RASEF: variants seen among roughly 807,000 people sequenced by gnomAD.
RASEF encodes the protein RAS and EF-hand domain containing.
RASEF carries 68 observed loss-of-function variants against 90.1 expected under a neutral mutation model. That is an observed-to-expected ratio of 0.75 (90% CI 0.62 to 0.92). RASEF has a LOEUF of 0.92. Ranked by LOEUF, RASEF falls within the 40% of genes least tolerant of loss-of-function variation. The pLI is 0.00. For missense variants in RASEF, 949 were observed against 937.2 expected (o/e 1.01, Z -0.16); for synonymous variants, 331 against 345.2 (o/e 0.96, Z 0.46).
At chr9:83,087,422 T>TCTCTCTCTCTCTCTCTCC in the RASEF span, among the ~76,000 whole-genome samples, 1 of 151,142 alleles carries the variant, frequency 6.6e-6, no homozygotes, top group Non-Finnish European at 1.5e-5. Flanking sequence ...TCTCTCTCTC[T>TCTCTCTCTCTCTCTCTCC]CTCTCTCTCT....
intron 9 of RASEF, among the ~76,000 whole-genome samples, chr9:83,001,746 T>C (rs1829044305): frequency 6.6e-6 from 1 of 152,226 alleles, no homozygotes; most frequent in South Asian, 2.1e-4. Context: ...CTGGGTGTCA[T>C]ATTTCTAATC....
intron 14 of RASEF, among the ~76,000 whole-genome samples, chr9:82,994,505 C>T (rs1355128562): frequency 6.6e-6 from 1 of 152,142 alleles, no homozygotes; most frequent in Non-Finnish European, 1.5e-5. Context: ...CACCTTCTAC[C>T]ATATCATTTC....
In RASEF at chr9:82,988,549, G is replaced by A. The variant is rs897887974; in HGVS notation, c.2117+1842C>T. Among the ~76,000 whole-genome samples the A allele has an allele frequency of 7.9e-5, 12 of 152,196 alleles. No individual in the cohort carries two copies. The East Asian group carries it at 2.1e-3, about 27-fold the overall frequency. Reference sequence around the variant, plus strand: ...CCTTCGGTGTTAGAGGTGGGGCCTCGTGGGAGGTATTGAATCAAGCGGGTG... The same window carrying A: ...CCTTCGGTGTTAGAGGTGGGGCCTCATGGGAGGTATTGAATCAAGCGGGTG... On this transcript the variant is annotated intron_variant, in intron 16 of 16. Coordinates refer to ENST00000376447, the MANE Select transcript of RASEF (RefSeq NM_152573.4).
chr9:83,091,994 CTTTTA>C, the RASEF span, among the ~76,000 whole-genome samples: 1 of 21,090 alleles, frequency 4.7e-5, no homozygotes, highest in Non-Finnish European at 1.1e-4. Flanking sequence ...TATTCTTTTT[CTTTTA>C]TTTCTTTTTT....
Position 83,025,888 on chromosome 9 carries a change from G to T in RASEF, c.465C>A (p.Ile155=). Residue 155 remains isoleucine, a synonymous_variant, in exon 2 of 17, where the codon ATC becomes ATA. Transcript: ENST00000376447. ...GAATTAATCTTGGCTCCACAAGGTT[G>T]ATGTTTTGGTACAAGGTACTAACTT... is the stretch of plus-strand genomic sequence containing the variant. ...EEQVSTLYQN[I]NLVEPRLIQP... 1 of 1,613,364 alleles carries T rather than the reference G, an allele frequency of 6.2e-7. No individual in the cohort carries two copies.
the RASEF span, among the ~76,000 whole-genome samples, chr9:83,092,353 C>G: frequency 5.5e-4 from 84 of 152,200 alleles, no homozygotes; most frequent in African/African-American, 2.0e-3. Context: ...TGTTACAGCT[C>G]TTAAGGTGGC....
the RASEF span, among the ~76,000 whole-genome samples, chr9:83,197,444 G>T: frequency 1.3e-5 from 2 of 152,194 alleles, no homozygotes; most frequent in Non-Finnish European, 2.9e-5. Context: ...TGGGGATACA[G>T]CAGTGAACAC....
rs936514982 is a variant in RASEF at position 83,005,576 on chromosome 9, T to C, written c.1029-76A>G. On this transcript the variant is annotated intron_variant, in intron 7 of 16. Coordinates refer to ENST00000376447, the MANE Select transcript of RASEF (RefSeq NM_152573.4). The stretch of plus-strand genomic sequence containing the variant: ...GGGTCACTGTCATCACTTTCTTTTC[T>C]AGCTGTAACATTCAGAATGTGGAAT... 4.6e-6 allele frequency: 5 copies of C among 1,076,996 alleles called. No individual in the cohort carries two copies. The Admixed American group carries it at 6.9e-5, about 15-fold the overall frequency. The allele number at this position is 1,076,996 out of a possible 1,614,324, so 66.7% of individuals were successfully genotyped here. A position where few individuals can be genotyped will look rare whatever the true frequency, so the allele number is the denominator to read the frequency against.
chr9:82,984,786 T>C (rs765748783), intron 16 of RASEF, among the ~76,000 whole-genome samples: 6 of 152,212 alleles, frequency 3.9e-5, no homozygotes, highest in Non-Finnish European at 5.9e-5. Flanking sequence ...AAAATCTTGG[T>C]CGTTCTGTCA....
chr9:83,110,232 A>G, the RASEF span, among the ~76,000 whole-genome samples: 23 of 152,182 alleles, frequency 1.5e-4, no homozygotes, highest in African/African-American at 5.1e-4. Flanking sequence ...ACTCAAAAGA[A>G]TATGAGGCAG....
At chr9:83,089,718 C>G in the RASEF span, among the ~76,000 whole-genome samples, 33 of 152,228 alleles carry the variant, frequency 2.2e-4, no homozygotes, top group African/African-American at 7.9e-4. Context: ...CTTTGAGTAT[C>G]AAGAGTTGAT....
chr9:83,032,462 C>G (rs943437390), intron 1 of RASEF, among the ~76,000 whole-genome samples: 2 of 152,198 alleles, frequency 1.3e-5, no homozygotes, highest in Non-Finnish European at 1.5e-5. Flanking sequence ...AAGTCATAAG[C>G]ATTAGTCAGT....
At chr9:83,201,081 G>A in the RASEF span, 4 of 152,204 alleles carry the variant, frequency 2.6e-5, no homozygotes, top group Admixed American at 2.6e-4. Flanking sequence ...TTCCTAGAAA[G>A]GCCATCCACC....
intron 4 of RASEF, 128 bp from the exon 5 acceptor site, chr9:83,012,639 C>T (rs4146961): frequency 0.53 from 236,371 of 444,484 alleles, 64,584 homozygotes; most frequent in East Asian, 0.78. Flanking sequence ...TATGCAACTT[C>T]ATAAATCATT....
chr9:83,105,865 T>C, the RASEF span, among the ~76,000 whole-genome samples: 1 of 152,186 alleles, frequency 6.6e-6, no homozygotes, highest in Non-Finnish European at 1.5e-5. Context: ...ATGTGCCGGC[T>C]GCAGGACTGC....
the RASEF span, among the ~76,000 whole-genome samples, chr9:83,150,136 A>G: frequency 6.6e-6 from 1 of 152,310 alleles, no homozygotes; most frequent in East Asian, 1.9e-4. Flanking sequence ...CAGCTTTATT[A>G]TAAAGGACAT....
In RASEF at chr9:82,980,262, A is replaced by G. The variant is rs1049262446; in HGVS notation, c.*2415T>C. The G allele has an allele frequency of 6.6e-6, 1 of 152,212 alleles. No homozygotes were observed. The highest frequency in any genetic ancestry group is 2.4e-5 in the African/African-American group (1 of 41,464). The allele number at this position is 152,212 out of a possible 1,614,324, so 9.4% of individuals were successfully genotyped here. ...ACATTAAATATTTTTGTTCTTACTG[A>G]AAATGTGCTTTAAATTTGAGAACAC... On this transcript the variant is annotated 3_prime_UTR_variant, in exon 17 of 17. Transcript: ENST00000376447.
intron 1 of RASEF, among the ~76,000 whole-genome samples, chr9:83,056,267 T>C (rs1437548564): frequency 6.6e-6 from 1 of 152,234 alleles, no homozygotes; most frequent in Non-Finnish European, 1.5e-5. Context: ...CTATGTGTCA[T>C]AGATAAATTC....
the RASEF span, among the ~76,000 whole-genome samples, chr9:83,150,521 T>C: frequency 6.6e-6 from 1 of 152,168 alleles, no homozygotes; most frequent in East Asian, 1.9e-4. Context: ...TATTTCTTAT[T>C]ATACCACAAG....
Sources: gnomAD v4.1 joint callset for allele counts (sites outside exome capture counted in the v4.1 genomes callset) on GRCh38, gnomAD v4.1.1 for gene constraint, MANE v1.5 for transcripts, NCBI Gene and HGNC (gene_info 2026-07-23, HGNC 2026-07-21) for gene names.